Variants in PRSS50 observed in about 807,000 individuals in gnomAD.
PRSS50 encodes probable threonine protease PRSS50.
In PRSS50, 23 loss-of-function variants were observed where a neutral mutation model predicts 34.2. That is an observed-to-expected ratio of 0.67 (90% CI 0.48 to 0.95). PRSS50 has a LOEUF of 0.95. PRSS50 is among the 40% of genes least tolerant of loss of function. PRSS50 has a pLI of 0.00. For missense variants in PRSS50, 484 were observed against 513.4 expected (o/e 0.94, Z 0.55); for synonymous variants, 224 against 211.2 (o/e 1.06, Z -0.53).
chr3:46,717,591 A>G lies in PRSS50; in HGVS notation c.153T>C (p.Asp51=). Residue 51 remains aspartate (D), a synonymous_variant, in exon 2 of 6, where the codon GAT becomes GAC. Coordinates refer to ENST00000315170, the MANE Select transcript of PRSS50 (RefSeq NM_013270.5). This position sits in a 1 kb window ranked among gnomAD's most constrained non-coding sequence, Gnocchi z 4.5. ...GEAPGALSTA[D]PADQSVQCVP... ...CACACTGGACGCTCTGGTCGGCGGGATCAGCAGTGGACAGCGCCCCCGGGG... is the reference window on the plus strand; with the variant it reads ...CACACTGGACGCTCTGGTCGGCGGGGTCAGCAGTGGACAGCGCCCCCGGGG... 2 of 1,613,490 alleles carry G rather than the reference A, an allele frequency of 1.2e-6. No homozygotes were observed. Among genetic ancestry groups the G allele is most frequent in the Non-Finnish European group, 8.5e-7 (1 of 1,179,860 alleles).
Position 46,717,492 on chromosome 3 carries a change from C to G in PRSS50, c.252G>C (p.Ser84=). The change falls in exon 2 of 6, where the codon TCG becomes TCC. Residue 84 remains serine (S), a synonymous_variant. Coordinates refer to ENST00000315170, the MANE Select transcript of PRSS50 (RefSeq NM_013270.5). This position sits in a 1 kb window ranked among gnomAD's most constrained non-coding sequence, Gnocchi z 4.5. ...CTGGGAATTGGGTCTCCATGGTGGTCGAGGGCAGTGTCTGGGTGGTCGGGG... is the reference window on the plus strand; with the variant it reads ...CTGGGAATTGGGTCTCCATGGTGGTGGAGGGCAGTGTCTGGGTGGTCGGGG... ...WQTPTTQTLP[S]TTMETQFPVS... The G allele has an allele frequency of 6.2e-7, 1 of 1,613,848 alleles. No homozygotes were observed. The highest frequency in any genetic ancestry group is 8.5e-7 in the Non-Finnish European group (1 of 1,179,988).
At position 46,717,683 on chromosome 3, in the gene PRSS50, G is replaced by C. The variant is rs373475260; in HGVS notation, c.106+36C>G. ...ATTAGAGGTGGAAGGCGAGGGCCGC[G>C]TCAGGCGGGTGGGGTAGGGATCGGG... is the stretch of plus-strand genomic sequence containing the variant. On this transcript the variant is annotated intron_variant, in intron 1 of 5. Coordinates refer to ENST00000315170, the MANE Select transcript of PRSS50 (RefSeq NM_013270.5). This position sits in a 1 kb window ranked among gnomAD's most constrained non-coding sequence, Gnocchi z 4.5. 39 of 1,600,412 alleles carry C rather than the reference G, an allele frequency of 2.4e-5. No homozygotes were observed. The African/African-American group carries it at 3.6e-4, about 15-fold the overall frequency.
rs1575473141 is a variant in PRSS50 at position 46,717,459 on chromosome 3, T to C, written c.285A>G (p.Glu95=). 2 of 1,613,754 alleles carry C rather than the reference T, an allele frequency of 1.2e-6. No homozygotes were observed. The highest frequency in any genetic ancestry group is 1.7e-6 in the Non-Finnish European group (2 of 1,180,002). Residue 95 remains glutamate, a synonymous_variant, in exon 2 of 6, where the codon GAA becomes GAG. Coordinates refer to ENST00000315170, the MANE Select transcript of PRSS50 (RefSeq NM_013270.5). The surrounding 1 kb of genome is among the most constrained non-coding windows in gnomAD (Gnocchi z 4.5). ...CACAGCGGTATGGGTCGACTTTGCC[T>C]TCAGAAACTGGGAATTGGGTCTCCA... ...TTMETQFPVS[E]GKVDPYRSCG...
In PRSS50 at chr3:46,717,754, G is replaced by A. The variant is rs771350879; in HGVS notation, c.71C>T (p.Ala24Val). ...PRTSAPSRAG[A>V]LLLLLLLLRS... is the part of the protein sequence containing the mutation. Reference sequence around the variant, plus strand: ...CAGCAACAGAAGCAGCAGCAGCAGGGCACCGGCGCGGGAGGGGGCAGACGT... The same window carrying A: ...CAGCAACAGAAGCAGCAGCAGCAGGACACCGGCGCGGGAGGGGGCAGACGT... Residue 24 changes from alanine (A) to valine (V), a missense_variant, in exon 1 of 6, where the codon GCC becomes GTC. Physicochemically the swap from Ala to Val is moderately conservative, Grantham distance 64. Coordinates refer to ENST00000315170, the MANE Select transcript of PRSS50 (RefSeq NM_013270.5). This position sits in a 1 kb window ranked among gnomAD's most constrained non-coding sequence, Gnocchi z 4.5. The A allele has an allele frequency of 5.1e-6, 8 of 1,582,676 alleles. No homozygotes were observed. The African/African-American group carries it at 1.1e-4, about 21-fold the overall frequency.
At chr3:46,713,124 C>T (rs1700640509) in intron 4 of PRSS50, 57 bp from the exon 5 acceptor site, 1 of 1,578,934 alleles carries the variant, frequency 6.3e-7, no homozygotes, top group African/African-American at 1.3e-5. Context: ...CTACCGCCAG[C>T]CTCACTCGTC....
Position 46,714,340 on chromosome 3 carries a change from T to C in PRSS50, c.632A>G (p.Lys211Arg), listed in dbSNP as rs750362600. 3.7e-6 allele frequency: 6 copies of C among 1,614,070 alleles called. No homozygotes were observed. Among genetic ancestry groups the C allele is most frequent in the Admixed American group, 3.3e-5 (2 of 60,026 alleles). Residue 211 changes from lysine (K) to arginine (R), a missense_variant, in exon 4 of 6, where the codon AAG becomes AGG. Transcript: ENST00000315170. Reference sequence around the variant, plus strand: ...GCTGTACTTGAGTTCCTGCTTGAGCTTGAGGAGGCCGATGTCGTTGGCCTG... The same window carrying C: ...GCTGTACTTGAGTTCCTGCTTGAGCCTGAGGAGGCCGATGTCGTTGGCCTG... ...VGQANDIGLL[K>R]LKQELKYSNY...
chr3:46,713,201 C>T lies in PRSS50; in HGVS notation c.755-134G>A. ...CCACACACCTCTGCCCTCGTTCTAG[C>T]CCATACCCATCTAGGGCCCTCAACA... On this transcript the variant is annotated intron_variant, in intron 4 of 5. Coordinates refer to ENST00000315170, the MANE Select transcript of PRSS50 (RefSeq NM_013270.5). The T allele has an allele frequency of 2.7e-6, 3 of 1,111,382 alleles. No individual in the cohort carries two copies. The South Asian group carries it at 4.4e-5, about 16-fold the overall frequency. 68.8% of individuals were successfully genotyped at this position (1,111,382 alleles called of 1,614,324 possible). A position where few individuals can be genotyped will look rare whatever the true frequency, so the allele number is the denominator to read the frequency against.
In PRSS50 at chr3:46,717,158, A is replaced by T. The variant is rs187409152; in HGVS notation, c.307+279T>A. 6.6e-6 allele frequency among the ~76,000 whole-genome samples: 1 copy of T among 152,252 alleles called. No individual in the cohort carries two copies. The highest frequency in any genetic ancestry group is 6.5e-5 in the Admixed American group (1 of 15,302). ...ACCTGCCCCACAGCCAGCTCAGGCG[A>T]GGCGGGAACACACAGCCGGCCCCAG... On this transcript the variant is annotated intron_variant, in intron 2 of 5. Coordinates refer to ENST00000315170, the MANE Select transcript of PRSS50 (RefSeq NM_013270.5). The surrounding 1 kb of genome is among the most constrained non-coding windows in gnomAD (Gnocchi z 4.5).
chr3:46,714,298 A>G lies in PRSS50; in HGVS notation c.674T>C (p.Ile225Thr). Reference protein sequence around the residue: ...ELKYSNYVRPICLPGTDYVLK... With the variant: ...ELKYSNYVRPTCLPGTDYVLK... The stretch of plus-strand genomic sequence containing the variant: ...CACATAGTCCGTGCCAGGCAGGCAG[A>G]TGGGCCGCACGTAATTGCTGTACTT... The change falls in exon 4 of 6, where the codon ATC becomes ACC. Residue 225 changes from isoleucine to threonine, a missense_variant. Coordinates refer to ENST00000315170, the MANE Select transcript of PRSS50 (RefSeq NM_013270.5). 1 of 1,614,176 alleles carries G rather than the reference A, an allele frequency of 6.2e-7. No individual in the cohort carries two copies. The highest frequency in any genetic ancestry group is 8.5e-7 in the Non-Finnish European group (1 of 1,180,048).
chr3:46,717,451 A>G lies in PRSS50; in HGVS notation c.293T>C (p.Val98Ala). The change falls in exon 2 of 6, where the codon GTC becomes GCC. Residue 98 changes from valine to alanine, a missense_variant. Val to Ala is a moderately conservative substitution (Grantham distance 64, BLOSUM62 0). Coordinates refer to ENST00000315170, the MANE Select transcript of PRSS50 (RefSeq NM_013270.5). This position sits in a 1 kb window ranked among gnomAD's most constrained non-coding sequence, Gnocchi z 4.5. ...ETQFPVSEGK[V>A]DPYRSCGFSY... Reference sequence around the variant, plus strand: ...CTGGTACTCACAGCGGTATGGGTCGACTTTGCCTTCAGAAACTGGGAATTG... The same window carrying G: ...CTGGTACTCACAGCGGTATGGGTCGGCTTTGCCTTCAGAAACTGGGAATTG... 6.2e-7 allele frequency: 1 copy of G among 1,613,528 alleles called. No individual in the cohort carries two copies. The highest frequency in any genetic ancestry group is 8.5e-7 in the Non-Finnish European group (1 of 1,179,948).
Position 46,712,281 on chromosome 3 carries a change from G to A in PRSS50, c.1123C>T (p.Leu375Phe). 1.2e-6 allele frequency: 2 copies of A among 1,612,038 alleles called. No homozygotes were observed. The highest frequency in any genetic ancestry group is 1.7e-6 in the Non-Finnish European group (2 of 1,179,156). Residue 375 changes from leucine to phenylalanine, a missense_variant, in exon 6 of 6, where the codon CTC (leucine) becomes TTC (phenylalanine). Coordinates refer to ENST00000315170, the MANE Select transcript of PRSS50 (RefSeq NM_013270.5). ...PAPSRTLLLA[L>F]PLPLSLLAAL Reference sequence around the variant, plus strand: ...GCAAGGAGGCTGAGGGGCAGTGGGAGTGCCAGGAGCAGGGTCCTGGATGGG... The same window carrying A: ...GCAAGGAGGCTGAGGGGCAGTGGGAATGCCAGGAGCAGGGTCCTGGATGGG...
chr3:46,717,840 G>T lies in PRSS50; in HGVS notation c.-16C>A. The T allele has an allele frequency of 6.7e-7, 1 of 1,482,100 alleles. No homozygotes were observed. The highest frequency in any genetic ancestry group is 1.4e-5 in the South Asian group (1 of 72,382). The allele number at this position is 1,482,100 out of a possible 1,614,324, so 91.8% of individuals were successfully genotyped here. A position where few individuals can be genotyped will look rare whatever the true frequency, so the allele number is the denominator to read the frequency against. On this transcript the variant is annotated 5_prime_UTR_variant, in exon 1 of 6. Coordinates refer to ENST00000315170, the MANE Select transcript of PRSS50 (RefSeq NM_013270.5). This position sits in a 1 kb window ranked among gnomAD's most constrained non-coding sequence, Gnocchi z 4.5. Reference sequence around the variant, plus strand: ...AGCGACCCATCCCGGGGTGGCAGCCGACTGCGTCTCTCCGGAAGGCGCTCC... The same window carrying T: ...AGCGACCCATCCCGGGGTGGCAGCCTACTGCGTCTCTCCGGAAGGCGCTCC...
Position 46,714,603 on chromosome 3 carries a change from G to T in PRSS50, c.471-102C>A, listed in dbSNP as rs1471156157. The T allele has an allele frequency of 7.4e-6, 10 of 1,356,498 alleles. No homozygotes were observed. In the South Asian group the frequency reaches 1.5e-4, roughly 20 times the overall value. 84.0% of individuals were successfully genotyped at this position (1,356,498 alleles called of 1,614,324 possible). On this transcript the variant is annotated intron_variant, in intron 3 of 5. Transcript: ENST00000315170. ...TCTGCTGCCCTCCCAGAAGATCCAGGAGGGGCCACCCACCCGCTTCAAGCC... is the reference window on the plus strand; with the variant it reads ...TCTGCTGCCCTCCCAGAAGATCCAGTAGGGGCCACCCACCCGCTTCAAGCC...
chr3:46,715,785 T>C lies in PRSS50; in HGVS notation c.308-88A>G. On this transcript the variant is annotated intron_variant, in intron 2 of 5. Coordinates refer to ENST00000315170, the MANE Select transcript of PRSS50 (RefSeq NM_013270.5). This position sits in a 1 kb window ranked among gnomAD's most constrained non-coding sequence, Gnocchi z 5.2. ...CCTGACCTCGTGCCTCTCCAGCCAC[T>C]GGCCTGCACCCATCCAGGGGTGCTC... 7.1e-7 allele frequency: 1 copy of C among 1,407,340 alleles called. No individual in the cohort carries two copies. The highest frequency in any genetic ancestry group is 1.4e-5 in the African/African-American group (1 of 70,078). 87.2% of individuals were successfully genotyped at this position (1,407,340 alleles called of 1,614,324 possible). A position where few individuals can be genotyped will look rare whatever the true frequency, so the allele number is the denominator to read the frequency against.
chr3:46,712,435 GT>G lies in PRSS50; in HGVS notation c.968del (p.Tyr323SerfsTer6). On this transcript the variant is annotated frameshift_variant, in exon 6 of 6. Transcript: ENST00000315170. LOFTEE classifies it low-confidence loss of function (END_TRUNC). The part of the protein sequence containing the change: ...PLVCSMEGTW[Y>X]LVGLVSWGAG... Reference sequence around the variant, plus strand: ...CACCCCAGCTCACCAATCCCACCAGGTACCACGTGCCCTCCATGGAGCAGAC... The same window carrying G: ...CACCCCAGCTCACCAATCCCACCAGGACCACGTGCCCTCCATGGAGCAGAC... The G allele has an allele frequency of 6.2e-7, 1 of 1,614,096 alleles. No homozygotes were observed. The highest frequency in any genetic ancestry group is 2.2e-5 in the East Asian group (1 of 44,862).
chr3:46,714,371 C>A lies in PRSS50; in HGVS notation c.601G>T (p.Val201Leu), dbSNP rs770978853. The part of the protein sequence containing the change: ...RYRAQRFWSW[V>L]GQANDIGLLK... ...AGGCCGATGTCGTTGGCCTGGCCCA[C>A]CCAGGACCAGAACCGCTGGGCCCGG... Residue 201 changes from valine (V) to leucine (L), a missense_variant, in exon 4 of 6, where the codon GTG (valine) becomes TTG (leucine). Coordinates refer to ENST00000315170, the MANE Select transcript of PRSS50 (RefSeq NM_013270.5). 1 of 1,613,994 alleles carries A rather than the reference C, an allele frequency of 6.2e-7. No individual in the cohort carries two copies. Among genetic ancestry groups the A allele is most frequent in the Non-Finnish European group, 8.5e-7 (1 of 1,180,004 alleles).
chr3:46,712,205 G>A lies in PRSS50; in HGVS notation c.*41C>T, dbSNP rs371562744. On this transcript the variant is annotated 3_prime_UTR_variant, in exon 6 of 6. Coordinates refer to ENST00000315170, the MANE Select transcript of PRSS50 (RefSeq NM_013270.5). Reference sequence around the variant, plus strand: ...GCTGCACCCACAGCAACCTGGGCACGGAGGCAAGGGGGGCCCACAAGTGAG... The same window carrying A: ...GCTGCACCCACAGCAACCTGGGCACAGAGGCAAGGGGGGCCCACAAGTGAG... The A allele has an allele frequency of 5.6e-4, 852 of 1,532,856 alleles. 2 individuals are homozygous for A. Among genetic ancestry groups the A allele is most frequent in the Non-Finnish European group, 7.3e-4 (817 of 1,121,624 alleles). 95.0% of individuals were successfully genotyped at this position (1,532,856 alleles called of 1,614,324 possible).
rs754333993 is a variant in PRSS50 at position 46,715,666 on chromosome 3, G to A, written c.339C>T (p.Thr113=). The change falls in exon 3 of 6, where the codon ACC becomes ACT. Residue 113 remains threonine (T), a synonymous_variant. Transcript: ENST00000315170. The surrounding 1 kb of genome is among the most constrained non-coding windows in gnomAD (Gnocchi z 5.2). ...SCGFSYEQDP[T]LRDPEAVARR... is the part of the protein sequence containing the mutation. ...GAGCCACGGCTTCTGGGTCCCTGAG[G>A]GTGGGGTCCTGCTCGTAGGAAAAGC... The A allele has an allele frequency of 1.2e-6, 2 of 1,609,720 alleles. No individual in the cohort carries two copies. The highest frequency in any genetic ancestry group is 8.5e-7 in the Non-Finnish European group (1 of 1,177,992).
chr3:46,713,545 G>GATGACAA (rs1700645113), intron 4 of PRSS50, among the ~76,000 whole-genome samples: 1 of 152,252 alleles, frequency 6.6e-6, no homozygotes, highest in African/African-American at 2.4e-5. Flanking sequence ...CCACAGCAGG[G>GATGACAA]ATGACAAAGT....
Sources: gnomAD v4.1 joint callset for allele counts (sites outside exome capture counted in the v4.1 genomes callset) on GRCh38, gnomAD v4.1.1 for gene constraint, Gnocchi (gnomAD v3.1) non-coding constraint, MANE v1.5 for transcripts, NCBI Gene and HGNC (gene_info 2026-07-23, HGNC 2026-07-21) for gene names.